ACADS: variants seen among roughly 807,000 people sequenced by gnomAD.
ACADS encodes acyl-CoA dehydrogenase short chain, also known as short-chain specific acyl-CoA dehydrogenase, mitochondrial.
In ACADS, 28 loss-of-function variants were observed where a neutral mutation model predicts 46.8. The ratio of observed to expected loss-of-function variants is 0.60; its 90% confidence interval spans 0.44 to 0.82. The LOEUF (loss-of-function observed/expected upper bound fraction) is 0.82. ACADS is among the 40% of genes least tolerant of loss of function. The pLI, the probability that ACADS is intolerant of heterozygous loss-of-function variation, is 0.00. For synonymous variants in ACADS, 236 were observed against 237.7 expected (o/e 0.99, Z 0.07); for missense variants, 528 against 578.0 (o/e 0.91, Z 0.89).
chr12:120,737,632 C>G, intron 4 of ACADS, 165 bp downstream of exon 4: 1 of 1,048,130 alleles, frequency 9.5e-7, no homozygotes, highest in Non-Finnish European at 1.4e-6. Flanking sequence ...GGAAGATTGC[C>G]TTCGGGGTCC....
intron 1 of ACADS, among the ~76,000 whole-genome samples, chr12:120,726,824 G>A (rs1883098831): frequency 6.6e-6 from 1 of 152,154 alleles, no homozygotes; most frequent in Non-Finnish European, 1.5e-5. Flanking sequence ...CTGCCTTGTT[G>A]GATGTTCAGC....
At chr12:120,733,548 TG>T (rs1481250304) in intron 2 of ACADS, among the ~76,000 whole-genome samples, 1 of 4,574 alleles carries the variant, frequency 2.2e-4, no homozygotes. Flanking sequence ...CCTGCTGAAA[TG>T]GTGCCTGCTG....
intron 2 of ACADS, among the ~76,000 whole-genome samples, chr12:120,732,680 C>T (rs563051766): frequency 1.3e-5 from 2 of 151,800 alleles, no homozygotes; most frequent in Non-Finnish European, 2.9e-5. Flanking sequence ...CGGGCAGAGA[C>T]GCTCCTCACT....
Position 120,728,320 on chromosome 12 carries a change from A to C in ACADS, c.210+1131A>C, listed in dbSNP as rs1339180780. 6.6e-6 allele frequency among the ~76,000 whole-genome samples: 1 copy of C among 152,056 alleles called. No homozygotes were observed. Among genetic ancestry groups the C allele is most frequent in the Non-Finnish European group, 1.5e-5 (1 of 68,020 alleles). ...CGTGCCACTGTGTTCTTCCATTTGCATTCAGTCTGTCTGCAGCTACGCGTT... is the reference window on the plus strand; with the variant it reads ...CGTGCCACTGTGTTCTTCCATTTGCCTTCAGTCTGTCTGCAGCTACGCGTT... On this transcript the variant is annotated intron_variant, in intron 2 of 9. Coordinates refer to ENST00000242592, the MANE Select transcript of ACADS (RefSeq NM_000017.4). This position sits in a 1 kb window ranked among gnomAD's most constrained non-coding sequence, Gnocchi z 4.0.
Position 120,737,349 on chromosome 12 carries a change from C to G in ACADS, c.361-7C>G, listed in dbSNP as rs752941361. 4.3e-6 allele frequency: 7 copies of G among 1,613,254 alleles called. No homozygotes were observed. The highest frequency in any genetic ancestry group is 3.3e-4 in the Middle Eastern group (2 of 6,074). On this transcript the variant is annotated splice_region_variant and splice_polypyrimidine_tract_variant and intron_variant, in intron 3 of 9. Transcript: ENST00000242592. The stretch of plus-strand genomic sequence containing the variant: ...GGGCCTCCGACCGCTCCCCGCTGTC[C>G]TCCTAGTCTCTCTACCTGGGGCCCA...
At chr12:120,729,780 C>T (rs765886943) in intron 2 of ACADS, among the ~76,000 whole-genome samples, 1 of 152,086 alleles carries the variant, frequency 6.6e-6, no homozygotes, top group Admixed American at 6.5e-5. Context: ...GTGAGAAGGC[C>T]TGGGAAACAG....
chr12:120,736,670 C>T (rs931121200), intron 2 of ACADS, among the ~76,000 whole-genome samples: 16 of 152,128 alleles, frequency 1.1e-4, no homozygotes, highest in African/African-American at 2.2e-4. Flanking sequence ...GTGTGGCTCA[C>T]GCTGTCCTGC....
rs1883591838 is a variant in ACADS at position 120,739,523 on chromosome 12, A to T, written c.*75A>T. ...CCTCCACCCCAACCCCGGCTCAGAG[A>T]CTGGGCGGCCCGGCGGGGGCTCCCT... On this transcript the variant is annotated 3_prime_UTR_variant, in exon 10 of 10. Coordinates refer to ENST00000242592, the MANE Select transcript of ACADS (RefSeq NM_000017.4). 4.5e-6 allele frequency: 7 copies of T among 1,556,984 alleles called. No homozygotes were observed. The Admixed American group carries it at 1.3e-4, about 28-fold the overall frequency.
chr12:120,731,049 C>G (rs1883232895), intron 2 of ACADS, among the ~76,000 whole-genome samples: 2 of 152,018 alleles, frequency 1.3e-5, no homozygotes, highest in Non-Finnish European at 2.9e-5. Context: ...GGGCTCAGGG[C>G]TCAAGTGATC....
intron 9 of ACADS, 41 bp from the exon 10 acceptor site, chr12:120,739,255 G>A (rs2136951000): frequency 6.2e-7 from 1 of 1,612,936 alleles, no homozygotes; most frequent in Non-Finnish European, 8.5e-7. Context: ...CTTTCCCCAC[G>A]CCGGGGTCTT....
chr12:120,736,874 A>G (rs541193892), intron 2 of ACADS, 112 bp from the exon 3 acceptor site: 6 of 1,375,710 alleles, frequency 4.4e-6, no homozygotes, highest in Non-Finnish European at 5.8e-6. Context: ...CTGGGGTCAC[A>G]TGGCCTGAGT....
chr12:120,739,070 G>A, intron 8 of ACADS, 70 bp from the exon 9 acceptor site: 1 of 1,603,232 alleles, frequency 6.2e-7, no homozygotes, highest in Non-Finnish European at 8.5e-7. Flanking sequence ...CTCCCCTGCT[G>A]AGGGAGTGGG....
chr12:120,735,680 C>T (rs1015593370), intron 2 of ACADS, among the ~76,000 whole-genome samples: 5 of 152,036 alleles, frequency 3.3e-5, no homozygotes, highest in Admixed American at 6.6e-5. Context: ...GTGGGTGGAT[C>T]ACGAGGTCGG....
intron 2 of ACADS, among the ~76,000 whole-genome samples, chr12:120,729,251 CT>C (rs1566024040): frequency 2.2e-5 from 3 of 135,144 alleles, no homozygotes; most frequent in African/African-American, 9.2e-5. Context: ...TTCTCTTTTT[CT>C]TTTTTCTTTT....
chr12:120,732,062 G>A (rs1257173444), intron 2 of ACADS, among the ~76,000 whole-genome samples: 6 of 152,224 alleles, frequency 3.9e-5, no homozygotes, highest in African/African-American at 1.4e-4. Context: ...GCAACCATCC[G>A]ATTTCTCAAT....
chr12:120,738,399 C>T lies in ACADS; in HGVS notation c.744C>T (p.Ile248=). ...ACCTCATCTTTGAGGACTGTCGCAT[C>T]CCCAAGGACAGCATCCTGGGGGAGC... ...TANLIFEDCR[I]PKDSILGEPG... Residue 248 remains isoleucine, a synonymous_variant, in exon 6 of 10, where the codon ATC becomes ATT. Transcript: ENST00000242592. 6.2e-7 allele frequency: 1 copy of T among 1,613,716 alleles called. No individual in the cohort carries two copies. The highest frequency in any genetic ancestry group is 1.1e-5 in the South Asian group (1 of 91,090).
rs1035363801 is a variant in ACADS, at chr12:120,737,089, T to A, written c.314T>A (p.Ile105Asn). The change falls in exon 3 of 10, where the codon ATC becomes AAC. Residue 105 changes from isoleucine to asparagine, a missense_variant. By Grantham distance (149) the Ile-to-Asn change is moderately radical. Coordinates refer to ENST00000242592, the MANE Select transcript of ACADS (RefSeq NM_000017.4). ...GCCTACGCCATCGCCATGGAGGAGA[T>A]CAGCCGTGGCTGCGCCTCCACCGGA... ...YLAYAIAMEEISRGCASTGVI... is the reference protein window; with the variant it reads ...YLAYAIAMEENSRGCASTGVI... The A allele has an allele frequency of 6.3e-6, 10 of 1,599,584 alleles. No homozygotes were observed. The highest frequency in any genetic ancestry group is 1.7e-4 in the Middle Eastern group (1 of 6,044).
Position 120,739,617 on chromosome 12 carries a change from T to G in ACADS, c.*169T>G, listed in dbSNP as rs566364618. On this transcript the variant is annotated 3_prime_UTR_variant, in exon 10 of 10. Transcript: ENST00000242592. ...CATGGGAATGAGGCCCTCCGACCAT[T>G]GGCAGCTCCGCCTCTGGGCCTTTCC... 56 of 754,482 alleles carry G rather than the reference T, an allele frequency of 7.4e-5. No homozygotes were observed. In the South Asian group the frequency reaches 1.0e-3, roughly 14 times the overall value. The allele number at this position is 754,482 out of a possible 1,614,324, so 46.7% of individuals were successfully genotyped here.
At position 120,732,389 on chromosome 12, in the gene ACADS, C is replaced by T. The variant is rs547743735; in HGVS notation, c.211-4597C>T. ...GCGGAGACGCTCCTCACTTCCCAGA[C>T]GGGGTGTCTGCTGGGCGGAGGGGCT... On this transcript the variant is annotated intron_variant, in intron 2 of 9. Transcript: ENST00000242592. Among the ~76,000 whole-genome samples the T allele has an allele frequency of 4.6e-3, 694 of 149,362 alleles. 4 individuals are homozygous for T. The highest frequency in any genetic ancestry group is 5.4e-3 in the Non-Finnish European group (361 of 67,090).
Sources: allele counts gnomAD v4.1 joint callset (sites outside exome capture counted in the v4.1 genomes callset), GRCh38; gene constraint gnomAD v4.1.1; non-coding constraint Gnocchi (gnomAD v3.1); transcripts MANE v1.5; gene names NCBI Gene and HGNC (gene_info 2026-07-23, HGNC 2026-07-21).